NOL4: variants seen among roughly 807,000 people sequenced by gnomAD.
The protein encoded by NOL4 is nucleolar protein 4.
Under a neutral mutation model 75.9 loss-of-function variants are expected in NOL4, and 17 were observed. The ratio of observed to expected loss-of-function variants is 0.22; its 90% CI spans 0.15 to 0.34. The LOEUF (loss-of-function observed/expected upper bound fraction) is 0.34. Among genes scored for constraint, NOL4 ranks in the 10% least tolerant of loss-of-function variants. The pLI is 1.00. For synonymous variants in NOL4, 292 were observed against 289.9 expected (o/e 1.01, Z -0.07); for missense variants, 614 against 793.5 (o/e 0.77, Z 2.72).
In NOL4 at chr18:34,136,629, A is replaced by T. The variant is rs56380350; in HGVS notation, c.265-6609T>A. 7.7e-3 allele frequency among the ~76,000 whole-genome samples: 1,167 copies of T among 152,256 alleles called. 13 individuals are homozygous for T. The highest frequency in any genetic ancestry group is 0.026 in the African/African-American group (1,072 of 41,578). On this transcript the variant is annotated intron_variant, in intron 1 of 10. Transcript: ENST00000261592. Reference sequence around the variant, plus strand: ...TTAGGAATAATTTAGATATAATGTTAAAAAAGGTGTAAGACTTATACACTG... The same window carrying T: ...TTAGGAATAATTTAGATATAATGTTTAAAAAGGTGTAAGACTTATACACTG...
chr18:33,930,304 A>G (rs1378934445), intron 9 of NOL4, among the ~76,000 whole-genome samples: 1 of 152,154 alleles, frequency 6.6e-6, no homozygotes, highest in East Asian at 1.9e-4. Flanking sequence ...TTGTTTATAA[A>G]TGTTATTATA....
intron 9 of NOL4, among the ~76,000 whole-genome samples, chr18:33,935,007 C>G (rs1181050489): frequency 6.6e-6 from 1 of 151,842 alleles, no homozygotes; most frequent in East Asian, 1.9e-4. Flanking sequence ...TACAGATGCA[C>G]TGCGCCATGC....
At chr18:34,101,450 T>C (rs1268380602) in intron 4 of NOL4, among the ~76,000 whole-genome samples, 1 of 152,114 alleles carries the variant, frequency 6.6e-6, no homozygotes, top group Non-Finnish European at 1.5e-5. Flanking sequence ...AAATCTCTTA[T>C]CACACCACAG....
At chr18:33,870,400 T>C (rs977444345) in intron 10 of NOL4, among the ~76,000 whole-genome samples, 1 of 151,866 alleles carries the variant, frequency 6.6e-6, no homozygotes, top group Non-Finnish European at 1.5e-5. Flanking sequence ...TACAGTTAGA[T>C]TAGAGGAGTA....
At chr18:33,926,292 A>G (rs11875647) in intron 9 of NOL4, among the ~76,000 whole-genome samples, 8,177 of 141,188 alleles carry the variant, frequency 0.058, 340 homozygotes, top group African/African-American at 0.11. Flanking sequence ...CCTGGGAGGC[A>G]GAGGTTGTAG....
chr18:34,125,232 G>A (rs2080332102), intron 2 of NOL4, among the ~76,000 whole-genome samples: 1 of 152,128 alleles, frequency 6.6e-6, no homozygotes, highest in South Asian at 2.1e-4. Context: ...TGAGACCAAA[G>A]ACTTCCTGGC....
intron 9 of NOL4, among the ~76,000 whole-genome samples, chr18:33,887,922 T>C (rs1247776899): frequency 6.6e-6 from 1 of 152,200 alleles, no homozygotes; most frequent in East Asian, 1.9e-4. Flanking sequence ...TATCATCCTT[T>C]GGGTATATCC....
chr18:34,139,930 T>C (rs900918460), intron 1 of NOL4, among the ~76,000 whole-genome samples: 1 of 152,228 alleles, frequency 6.6e-6, no homozygotes, highest in African/African-American at 2.4e-5. Flanking sequence ...CTTCATTTTG[T>C]TATGTACCCA....
chr18:34,063,146 A>C (rs977266051), intron 5 of NOL4, among the ~76,000 whole-genome samples: 1 of 152,082 alleles, frequency 6.6e-6, no homozygotes, highest in Admixed American at 6.6e-5. Flanking sequence ...AACTGAACCC[A>C]AATGAAGTAA....
chr18:34,201,343 G>C (rs1222460545), intron 1 of NOL4, among the ~76,000 whole-genome samples: 1 of 151,708 alleles, frequency 6.6e-6, no homozygotes, highest in Non-Finnish European at 1.5e-5. Flanking sequence ...GAGACATTAA[G>C]TAACTTGCCA....
At chr18:33,982,279 CA>C (rs1242675359) in intron 6 of NOL4, among the ~76,000 whole-genome samples, 1 of 151,918 alleles carries the variant, frequency 6.6e-6, no homozygotes, top group Admixed American at 6.6e-5. Context: ...CAGAGTGGAT[CA>C]AAAATCAAGA....
chr18:33,985,433 ATT>A (rs2072354499), intron 6 of NOL4, among the ~76,000 whole-genome samples: 1 of 152,100 alleles, frequency 6.6e-6, no homozygotes, highest in African/African-American at 2.4e-5. Flanking sequence ...AGTATTTCAC[ATT>A]TTGTTTGTGT....
intron 10 of NOL4, among the ~76,000 whole-genome samples, chr18:33,871,255 T>A (rs191049126): frequency 1.0e-3 from 157 of 152,150 alleles, no homozygotes; most frequent in African/African-American, 3.5e-3. Flanking sequence ...ACTACACTCT[T>A]GGAATGATTC....
At chr18:34,115,221 C>G (rs2079795648) in intron 2 of NOL4, among the ~76,000 whole-genome samples, 1 of 152,084 alleles carries the variant, frequency 6.6e-6, no homozygotes, top group Non-Finnish European at 1.5e-5. Context: ...CATTCCTTTC[C>G]TTTTTTGGAC....
At chr18:33,928,770 T>C (rs796840526) in intron 9 of NOL4, among the ~76,000 whole-genome samples, 14 of 152,254 alleles carry the variant, frequency 9.2e-5, no homozygotes, top group African/African-American at 1.9e-4. Context: ...GTCTTTAAGA[T>C]AGGAAGAATA....
intron 7 of NOL4, among the ~76,000 whole-genome samples, chr18:33,957,772 G>T (rs74986122): frequency 6.6e-6 from 1 of 152,014 alleles, no homozygotes; most frequent in Non-Finnish European, 1.5e-5. Flanking sequence ...CTATCGTGTA[G>T]AAAAAAATCA....
intron 6 of NOL4, among the ~76,000 whole-genome samples, chr18:33,998,361 C>T (rs1187389139): frequency 3.3e-5 from 5 of 152,016 alleles, no homozygotes; most frequent in African/African-American, 9.7e-5. Flanking sequence ...CATAGATTTG[C>T]TTACCTCTTT....
intron 9 of NOL4, among the ~76,000 whole-genome samples, chr18:33,895,673 T>C (rs2065355088): frequency 6.6e-6 from 1 of 152,024 alleles, no homozygotes; most frequent in Non-Finnish European, 1.5e-5. Context: ...AAAATAGCCA[T>C]CTATGGTAAA....
chr18:33,853,062 G>T, intron 10 of NOL4, 27 bp from the exon 11 acceptor site: 1 of 1,558,782 alleles, frequency 6.4e-7, no homozygotes. Flanking sequence ...CACAAAATTA[G>T]ACATAAATAT....
Sources: allele counts gnomAD v4.1 joint callset (sites outside exome capture counted in the v4.1 genomes callset), GRCh38; gene constraint gnomAD v4.1.1; transcripts MANE v1.5; gene names NCBI Gene and HGNC (gene_info 2026-07-23, HGNC 2026-07-21).